The following UBE2QL1 variants were observed in gnomAD, a reference collection of about 807,000 sequenced individuals.
The protein encoded by UBE2QL1 is ubiquitin-conjugating enzyme E2Q-like protein 1.
In UBE2QL1, 5 loss-of-function variants were observed where a neutral mutation model predicts 12.6. The observed-to-expected ratio is 0.40, with a 90% confidence interval of 0.21 to 0.83. The LOEUF is 0.83. UBE2QL1 is among the 40% of genes least tolerant of loss of function. The pLI is 0.37. For missense variants in UBE2QL1, 99 were observed against 222.6 expected (o/e 0.44, Z 3.53); for synonymous variants, 96 against 94.5 (o/e 1.02, Z -0.10).
At chr5:6,464,942 G>A (rs1032759241) in intron 1 of UBE2QL1, among the ~76,000 whole-genome samples, 8 of 151,808 alleles carry the variant, frequency 5.3e-5, no homozygotes, top group African/African-American at 1.7e-4. Flanking sequence ...AGGCACTGTC[G>A]CCAGGCTCAG....
intron 1 of UBE2QL1, among the ~76,000 whole-genome samples, chr5:6,466,146 G>A (rs1202135730): frequency 6.6e-6 from 1 of 152,100 alleles, no homozygotes; most frequent in Admixed American, 6.5e-5. Context: ...CCACGGCGAT[G>A]CAGCGCCCAG....
chr5:6,470,170 G>A (rs1177086499), intron 1 of UBE2QL1, among the ~76,000 whole-genome samples: 1 of 152,210 alleles, frequency 6.6e-6, no homozygotes, highest in African/African-American at 2.4e-5. Flanking sequence ...ACCCCTGGAA[G>A]CCTGGTGCTC....
At chr5:6,472,545 C>T (rs543290560) in intron 1 of UBE2QL1, among the ~76,000 whole-genome samples, 3 of 152,286 alleles carry the variant, frequency 2.0e-5, no homozygotes, top group South Asian at 2.1e-4. Flanking sequence ...ATCTGGACAT[C>T]ACGCTGCATA....
intron 1 of UBE2QL1, among the ~76,000 whole-genome samples, chr5:6,490,882 C>G (rs1179976732): frequency 6.6e-6 from 1 of 152,154 alleles, no homozygotes; most frequent in East Asian, 1.9e-4. Context: ...GTAAGGCCGT[C>G]CCCTCCTGCG....
intron 1 of UBE2QL1, among the ~76,000 whole-genome samples, chr5:6,470,501 AACACACACACATGC>A (rs1476830160): frequency 1.3e-5 from 2 of 152,108 alleles, no homozygotes; most frequent in Non-Finnish European, 2.9e-5. Flanking sequence ...TGCACCCGTG[AACACACACACATGC>A]ACACACACGT....
chr5:6,477,186 C>T (rs530045995), intron 1 of UBE2QL1, among the ~76,000 whole-genome samples: 23 of 152,328 alleles, frequency 1.5e-4, no homozygotes, highest in Non-Finnish European at 3.1e-4. Context: ...CCTCCACGTG[C>T]CCCCCAGGCC....
chr5:6,450,752 C>T (rs558380727), intron 1 of UBE2QL1, among the ~76,000 whole-genome samples: 1 of 152,296 alleles, frequency 6.6e-6, no homozygotes, highest in African/African-American at 2.4e-5. Context: ...TCCTGCCAGT[C>T]CTTCTTTTCT....
chr5:6,491,469 T>G lies in UBE2QL1; in HGVS notation c.*120T>G, dbSNP rs1734568662. The G allele has an allele frequency of 7.6e-7, 1 of 1,315,932 alleles. No individual in the cohort carries two copies. The highest frequency in any genetic ancestry group is 1.0e-6 in the Non-Finnish European group (1 of 995,094). The allele number at this position is 1,315,932 out of a possible 1,614,324, so 81.5% of individuals were successfully genotyped here. A position where few individuals can be genotyped will look rare whatever the true frequency, so the allele number is the denominator to read the frequency against. The stretch of plus-strand genomic sequence containing the variant: ...ACTCCAGCCAGAACTGCATCCTGAA[T>G]GCCCAGGAGACGTTTAAGTTATTTA... On this transcript the variant is annotated 3_prime_UTR_variant, in exon 2 of 2. Transcript: ENST00000399816.
intron 1 of UBE2QL1, among the ~76,000 whole-genome samples, chr5:6,466,859 T>G (rs939096726): frequency 2.0e-5 from 3 of 152,184 alleles, no homozygotes; most frequent in African/African-American, 7.2e-5. Flanking sequence ...TGTAATCACG[T>G]GCCCTTGAAA....
chr5:6,464,843 C>T lies in UBE2QL1; in HGVS notation c.354+15596C>T, dbSNP rs147329275. Among the ~76,000 whole-genome samples the T allele has an allele frequency of 4.2e-3, 642 of 152,318 alleles. 5 individuals are homozygous for T. Among genetic ancestry groups the T allele is most frequent in the African/African-American group, 0.015 (617 of 41,562 alleles). On this transcript the variant is annotated intron_variant, in intron 1 of 1. Coordinates refer to ENST00000399816, the MANE Select transcript of UBE2QL1 (RefSeq NM_001145161.3). ...TTAACCTCTTGCAGTCAACAGCATT[C>T]GTAGCTCTGCAGGGCCATCTGTGCT...
chr5:6,465,900 G>A (rs1739778076), intron 1 of UBE2QL1, among the ~76,000 whole-genome samples: 1 of 152,174 alleles, frequency 6.6e-6, no homozygotes, highest in Non-Finnish European at 1.5e-5. Context: ...CCCGCGCAAA[G>A]CGTTTCCACT....
At chr5:6,470,043 G>A (rs1192230855) in intron 1 of UBE2QL1, among the ~76,000 whole-genome samples, 2 of 152,296 alleles carry the variant, frequency 1.3e-5, no homozygotes, top group African/African-American at 2.4e-5. Flanking sequence ...AGTGTTCAGA[G>A]CCCAGTGGCG....
At chr5:6,474,571 A>G (rs535714691) in intron 1 of UBE2QL1, among the ~76,000 whole-genome samples, 1 of 152,370 alleles carries the variant, frequency 6.6e-6, no homozygotes, top group South Asian at 2.1e-4. Flanking sequence ...GGTGAGAATT[A>G]GATGACATAA....
At chr5:6,452,964 CA>C (rs1739439870) in intron 1 of UBE2QL1, among the ~76,000 whole-genome samples, 1 of 152,206 alleles carries the variant, frequency 6.6e-6, no homozygotes, top group South Asian at 2.1e-4. Flanking sequence ...TAGGCATCGC[CA>C]GGGGCAGGGA....
At chr5:6,460,456 G>T (rs1387995509) in intron 1 of UBE2QL1, among the ~76,000 whole-genome samples, 1 of 152,192 alleles carries the variant, frequency 6.6e-6, no homozygotes, top group East Asian at 1.9e-4. Context: ...ACCTCCAGGT[G>T]CCTCGGGTGT....
chr5:6,477,010 A>G (rs1165636999), intron 1 of UBE2QL1, among the ~76,000 whole-genome samples: 2 of 152,044 alleles, frequency 1.3e-5, no homozygotes, highest in African/African-American at 2.4e-5. Flanking sequence ...AGCCCACACC[A>G]GTGCTGGAGG....
rs71606052 is a variant in UBE2QL1 at position 6,461,540 on chromosome 5, A to ACCCC, written c.354+12295_354+12296insCCCC. Among the ~76,000 whole-genome samples the ACCCC allele has an allele frequency of 8.3e-4, 39 of 46,792 alleles. 1 individual carries two copies. The highest frequency in any genetic ancestry group is 1.7e-3 in the East Asian group (2 of 1,184). The allele number at this position is 46,792 out of a possible 152,430, so 30.7% of individuals were successfully genotyped here. On this transcript the variant is annotated intron_variant, in intron 1 of 1. Transcript: ENST00000399816. ...CTATCCCCAGTGTTTTTCAGCACCC[A>ACCCC]CCACCCCCCCCCGCCGGCATATCAT...
At chr5:6,465,857 C>T (rs889382910) in intron 1 of UBE2QL1, among the ~76,000 whole-genome samples, 2 of 152,222 alleles carry the variant, frequency 1.3e-5, no homozygotes, top group African/African-American at 2.4e-5. Context: ...CTGGACTCCT[C>T]GCCATTTCTG....
chr5:6,470,577 A>G (rs527553476), intron 1 of UBE2QL1, among the ~76,000 whole-genome samples: 2 of 152,344 alleles, frequency 1.3e-5, no homozygotes, highest in South Asian at 2.1e-4. Flanking sequence ...CAGTGGGCCC[A>G]TGCTGTTCAG....
Sources: gnomAD v4.1 joint callset for allele counts (sites outside exome capture counted in the v4.1 genomes callset) on GRCh38, gnomAD v4.1.1 for gene constraint, MANE v1.5 for transcripts, NCBI Gene and HGNC (gene_info 2026-07-23, HGNC 2026-07-21) for gene names.